Variants in ZC3H12B observed in about 807,000 individuals in gnomAD.
ZC3H12B encodes the protein zinc finger CCCH-type containing 12B, also known as probable ribonuclease ZC3H12B.
A neutral mutation model predicts 43.9 loss-of-function variants in ZC3H12B; 7 were observed. The observed-to-expected ratio is 0.16, with a 90% CI of 0.09 to 0.30. The LOEUF is 0.30. Among genes scored for constraint, ZC3H12B ranks in the 10% least tolerant of loss-of-function variants. The pLI, the probability that ZC3H12B is intolerant of heterozygous loss-of-function variation, is 1.00. For synonymous variants in ZC3H12B, 222 were observed against 241.7 expected (o/e 0.92, Z 0.76); for missense variants, 475 against 670.2 (o/e 0.71, Z 3.22).
chrX:65,139,321 G>T, the ZC3H12B span, among the ~76,000 whole-genome samples: 5 of 111,995 alleles, frequency 4.5e-5, no homozygotes, highest in African/African-American at 1.3e-4. Flanking sequence ...ATGCAATTTT[G>T]CCCACACCAT....
the ZC3H12B span, among the ~76,000 whole-genome samples, chrX:65,349,907 C>A: frequency 8.9e-6 from 1 of 111,955 alleles, no homozygotes; most frequent in African/African-American, 3.2e-5. Context: ...TATGGATTCA[C>A]AATGAAATTC....
At chrX:65,387,256 A>G (rs2066540763) in intron 2 of ZC3H12B, among the ~76,000 whole-genome samples, 1 of 111,468 alleles carries the variant, frequency 9.0e-6, no homozygotes, top group Non-Finnish European at 1.9e-5. Flanking sequence ...AAAGTCTCCC[A>G]TTATTATTGT....
chrX:65,351,893 G>GAAGAT, the ZC3H12B span, among the ~76,000 whole-genome samples: 2 of 112,383 alleles, frequency 1.8e-5, no homozygotes, highest in Admixed American at 1.9e-4. Flanking sequence ...ATCAACCATT[G>GAAGAT]TAGAAGACAG....
the ZC3H12B span, among the ~76,000 whole-genome samples, chrX:65,066,892 G>A: frequency 4.5e-5 from 5 of 111,790 alleles, no homozygotes; most frequent in East Asian, 1.4e-3. Context: ...GCTGCCCTGC[G>A]GTGGGCTCTA....
chrX:65,211,709 A>G, the ZC3H12B span, among the ~76,000 whole-genome samples: 7 of 88,979 alleles, frequency 7.9e-5, no homozygotes, highest in East Asian at 3.3e-4. Context: ...AATATATAAT[A>G]TATATTATAT....
chrX:65,506,683 T>C (rs1161887604), exon 5 of ZC3H12B: 1 of 112,361 alleles, frequency 8.9e-6, no homozygotes, highest in African/African-American at 3.2e-5. Flanking sequence ...ATTTTGTAGC[T>C]TTTCTGATTT....
intron 3 of ZC3H12B, among the ~76,000 whole-genome samples, chrX:65,450,349 GTA>G (rs1230084151): frequency 2.6e-5 from 2 of 77,979 alleles, no homozygotes; most frequent in African/African-American, 5.0e-5. Context: ...ATATATATGT[GTA>G]TATATATGTG....
the ZC3H12B span, chrX:65,272,595 T>A: frequency 1.8e-5 from 2 of 111,894 alleles, no homozygotes; most frequent in African/African-American, 3.3e-5. Context: ...TCTAATAAAC[T>A]GATGATTGGA....
the ZC3H12B span, among the ~76,000 whole-genome samples, chrX:65,183,308 G>A: frequency 1.8e-5 from 2 of 111,561 alleles, no homozygotes; most frequent in Non-Finnish European, 3.8e-5. Context: ...GCAAACTAAC[G>A]CAGGAACAGA....
At chrX:65,328,207 A>C in the ZC3H12B span, 1 of 236,211 alleles carries the variant, frequency 4.2e-6, no homozygotes, top group Non-Finnish European at 8.5e-6. Flanking sequence ...ACATGGCTGC[A>C]TCAGGGTGAT....
At chrX:65,083,908 G>C in the ZC3H12B span, among the ~76,000 whole-genome samples, 43 of 111,557 alleles carry the variant, frequency 3.9e-4, no homozygotes, top group African/African-American at 1.2e-3. Flanking sequence ...AATAAAAACA[G>C]ACACACAGAC....
intron 3 of ZC3H12B, among the ~76,000 whole-genome samples, chrX:65,412,751 A>G (rs1358600122): frequency 8.9e-6 from 1 of 112,145 alleles, no homozygotes; most frequent in Non-Finnish European, 1.9e-5. Flanking sequence ...TACAGGAGTA[A>G]GCCACTGCAC....
At chrX:65,289,826 T>G in the ZC3H12B span, among the ~76,000 whole-genome samples, 1 of 110,504 alleles carries the variant, frequency 9.0e-6, no homozygotes, top group Non-Finnish European at 1.9e-5. Flanking sequence ...ACTATGTGCA[T>G]AAATCAACCC....
the ZC3H12B span, among the ~76,000 whole-genome samples, chrX:65,324,581 A>T: frequency 1.8e-5 from 2 of 111,073 alleles, no homozygotes; most frequent in Non-Finnish European, 3.8e-5. Flanking sequence ...GAACATATTT[A>T]ATTTCCATGT....
At chrX:65,073,185 TAC>T in the ZC3H12B span, among the ~76,000 whole-genome samples, 3 of 111,499 alleles carry the variant, frequency 2.7e-5, no homozygotes, top group Non-Finnish European at 3.8e-5. Context: ...AAGGTGTACA[TAC>T]ACACACACAC....
chrX:65,455,611 C>T (rs1226202430), intron 3 of ZC3H12B, among the ~76,000 whole-genome samples: 1 of 111,361 alleles, frequency 9.0e-6, no homozygotes, highest in Non-Finnish European at 1.9e-5. Context: ...CATTCAAATT[C>T]AGGAAATACA....
the ZC3H12B span, among the ~76,000 whole-genome samples, chrX:65,049,983 T>C: frequency 9.0e-6 from 1 of 111,683 alleles, no homozygotes; most frequent in East Asian, 2.8e-4. Context: ...GGGTATGTTA[T>C]GTTTTCATTT....
chrX:65,134,259 T>C, the ZC3H12B span, among the ~76,000 whole-genome samples: 1 of 110,413 alleles, frequency 9.1e-6, no homozygotes. Flanking sequence ...ATCCCAGCAA[T>C]TGACTTGCCA....
At chrX:65,477,503 CAAG>C (rs922088427) in intron 3 of ZC3H12B, among the ~76,000 whole-genome samples, 4 of 111,637 alleles carry the variant, frequency 3.6e-5, no homozygotes, top group Admixed American at 9.5e-5. Flanking sequence ...TCTGCACATT[CAAG>C]AAGATCAATA....
Sources: allele counts gnomAD v4.1 joint callset (sites outside exome capture counted in the v4.1 genomes callset), GRCh38; gene constraint gnomAD v4.1.1; transcripts MANE v1.5; gene names NCBI Gene and HGNC (gene_info 2026-07-23, HGNC 2026-07-21).